The following ADARB2 variants were observed in gnomAD, a reference collection of about 807,000 sequenced individuals.
The protein encoded by ADARB2 is inactive double-stranded RNA-specific editase B2.
A neutral mutation model predicts 62.2 loss-of-function variants in ADARB2; 25 were observed. The observed-to-expected ratio is 0.40, with a 90% CI of 0.29 to 0.56. The LOEUF is 0.56. ADARB2 is among the 20% of genes least tolerant of loss of function. The pLI is 0.43. For missense variants in ADARB2, 1,071 were observed against 1,077.4 expected (o/e 0.99, Z 0.08); for synonymous variants, 572 against 500.8 (o/e 1.14, Z -1.90).
intron 1 of ADARB2, among the ~76,000 whole-genome samples, chr10:1,435,824 T>A (rs1336402047): frequency 1.3e-5 from 2 of 152,168 alleles, no homozygotes; most frequent in African/African-American, 4.8e-5. Flanking sequence ...CACATGTCAC[T>A]CATAATACGA....
chr10:1,565,042 C>T (rs760147847), intron 1 of ADARB2, among the ~76,000 whole-genome samples: 26 of 152,212 alleles, frequency 1.7e-4, no homozygotes, highest in African/African-American at 4.3e-4. Context: ...CCCTCCCTCC[C>T]GTGCAGGGCT....
intron 1 of ADARB2, among the ~76,000 whole-genome samples, chr10:1,473,307 T>C (rs1249671657): frequency 6.6e-6 from 1 of 152,240 alleles, no homozygotes; most frequent in Non-Finnish European, 1.5e-5. Context: ...GAATTGAGGT[T>C]GCCTGCCACA....
intron 1 of ADARB2, among the ~76,000 whole-genome samples, chr10:1,683,072 G>A (rs1270545852): frequency 6.6e-6 from 1 of 152,202 alleles, no homozygotes; most frequent in Non-Finnish European, 1.5e-5. Flanking sequence ...TGCAGACAAT[G>A]TTTTGTGTGC....
intron 3 of ADARB2, among the ~76,000 whole-genome samples, chr10:1,337,308 G>A (rs1831983731): frequency 6.6e-6 from 1 of 152,110 alleles, no homozygotes; most frequent in Non-Finnish European, 1.5e-5. Flanking sequence ...AAGCTCTAAT[G>A]GCTCACCTGC....
At chr10:1,679,516 G>C (rs1834508614) in intron 1 of ADARB2, among the ~76,000 whole-genome samples, 1 of 152,134 alleles carries the variant, frequency 6.6e-6, no homozygotes, top group South Asian at 2.1e-4. Context: ...GCTGATTTCA[G>C]TCAAGGTGAT....
Position 1,363,784 on chromosome 10 carries a change from C to A in ADARB2, c.321G>T (p.Gly107=). Residue 107 remains glycine (G), a synonymous_variant, in exon 3 of 10, where the codon GGG becomes GGT. Coordinates refer to ENST00000381312, the MANE Select transcript of ADARB2 (RefSeq NM_018702.4). The part of the protein sequence containing the change: ...KRKRPLEEGN[G]GHLCKLQLVW... Reference sequence around the variant, plus strand: ...CCAGCTGCAGTTTGCACAAGTGGCCCCCATTCCCCTCCTCCAGCGGCCGCT... The same window carrying A: ...CCAGCTGCAGTTTGCACAAGTGGCCACCATTCCCCTCCTCCAGCGGCCGCT... The A allele has an allele frequency of 6.2e-7, 1 of 1,600,650 alleles. No individual in the cohort carries two copies.
chr10:1,293,245 G>GGGGAGGGAGAGAGGGAC (rs1831492167), intron 3 of ADARB2, among the ~76,000 whole-genome samples: 1 of 125,470 alleles, frequency 8.0e-6, no homozygotes, highest in Non-Finnish European at 1.6e-5. Context: ...AGAGAGGGAC[G>GGGGAGGGAGAGAGGGAC]GGGGGAGAGG....
intron 7 of ADARB2, among the ~76,000 whole-genome samples, chr10:1,212,351 C>T (rs992238910): frequency 3.3e-5 from 5 of 152,332 alleles, no homozygotes; most frequent in South Asian, 2.1e-4. Flanking sequence ...ACGGCAAGTG[C>T]GGCGCAATTC....
chr10:1,547,085 A>G (rs1383700099), intron 1 of ADARB2, among the ~76,000 whole-genome samples: 1 of 152,218 alleles, frequency 6.6e-6, no homozygotes, highest in Non-Finnish European at 1.5e-5. Flanking sequence ...CAGACACAGG[A>G]CCTGAAGATA....
At chr10:1,400,720 T>TC (rs1220956695) in intron 1 of ADARB2, among the ~76,000 whole-genome samples, 1 of 152,102 alleles carries the variant, frequency 6.6e-6, no homozygotes, top group East Asian at 1.9e-4. Context: ...ATGGCACTGC[T>TC]CCCCTCCCCA....
At chr10:1,269,344 C>T (rs1448919105) in intron 4 of ADARB2, among the ~76,000 whole-genome samples, 1 of 152,188 alleles carries the variant, frequency 6.6e-6, no homozygotes, top group Non-Finnish European at 1.5e-5. Context: ...ATAAGAGCCA[C>T]AAGGGTAGGC....
chr10:1,668,142 G>A (rs1284477323), intron 1 of ADARB2, among the ~76,000 whole-genome samples: 3 of 152,150 alleles, frequency 2.0e-5, no homozygotes, highest in African/African-American at 4.8e-5. Context: ...CCAGGCCCTC[G>A]CCCCACCACT....
At chr10:1,378,395 G>C (rs1008899579) in intron 2 of ADARB2, among the ~76,000 whole-genome samples, 1 of 152,100 alleles carries the variant, frequency 6.6e-6, no homozygotes, top group Non-Finnish European at 1.5e-5. Context: ...TTTTCTTTCT[G>C]GTCTGATGGA....
At chr10:1,557,543 A>G (rs919952954) in intron 1 of ADARB2, among the ~76,000 whole-genome samples, 3 of 152,120 alleles carry the variant, frequency 2.0e-5, no homozygotes, top group African/African-American at 7.2e-5. Flanking sequence ...TCCAGGCTCA[A>G]CAAAGCCTCC....
At chr10:1,423,632 CTATGTATG>C (rs1386849477) in intron 1 of ADARB2, among the ~76,000 whole-genome samples, 251 of 151,966 alleles carry the variant, frequency 1.7e-3, no homozygotes, top group Non-Finnish European at 2.3e-3. Flanking sequence ...AGTAGGTCCA[CTATGTATG>C]CAGTAAGATC....
intron 1 of ADARB2, among the ~76,000 whole-genome samples, chr10:1,540,394 CGTGA>C (rs1370625507): frequency 7.3e-6 from 1 of 136,378 alleles, no homozygotes; most frequent in South Asian, 2.3e-4. Flanking sequence ...TTCCAGGGCA[CGTGA>C]GTCTCACCTG....
At chr10:1,681,947 G>A (rs999049697) in intron 1 of ADARB2, among the ~76,000 whole-genome samples, 1 of 152,196 alleles carries the variant, frequency 6.6e-6, no homozygotes, top group Non-Finnish European at 1.5e-5. Flanking sequence ...GACAGGTGGG[G>A]CAACAGCAGG....
chr10:1,540,140 A>C (rs572766392), intron 1 of ADARB2, among the ~76,000 whole-genome samples: 4 of 152,204 alleles, frequency 2.6e-5, no homozygotes, highest in Non-Finnish European at 5.9e-5. Flanking sequence ...CCGATTCTCA[A>C]CAATATAAGA....
At chr10:1,630,337 A>ATGGTGAT (rs1344727182) in intron 1 of ADARB2, among the ~76,000 whole-genome samples, 6 of 152,280 alleles carry the variant, frequency 3.9e-5, no homozygotes, top group Admixed American at 3.9e-4. Context: ...TCAACGCAGT[A>ATGGTGAT]CAGAAGCAAG....
Sources: gnomAD v4.1 joint callset for allele counts (sites outside exome capture counted in the v4.1 genomes callset) on GRCh38, gnomAD v4.1.1 for gene constraint, MANE v1.5 for transcripts, NCBI Gene and HGNC (gene_info 2026-07-23, HGNC 2026-07-21) for gene names.